Variants in NPEPPS observed in about 807,000 individuals in gnomAD.
NPEPPS encodes the protein aminopeptidase puromycin sensitive, also known as puromycin-sensitive aminopeptidase.
A neutral mutation model predicts 115.5 loss-of-function variants in NPEPPS; 14 were observed. That is an observed-to-expected ratio of 0.12 (90% confidence interval 0.08 to 0.19). The LOEUF is 0.19. Ranked by LOEUF, NPEPPS falls within the 10% of genes least tolerant of loss-of-function variation. NPEPPS has a pLI of 1.00. For missense variants in NPEPPS, 523 were observed against 1,110.8 expected, an observed-to-expected ratio of 0.47 and a Z score of 7.52; for synonymous variants, 285 against 390.6, an observed-to-expected ratio of 0.73 and a Z score of 3.19.
At position 47,587,255 on chromosome 17, in the gene NPEPPS, A is replaced by G. The variant is rs1253473781; in HGVS notation, c.1006A>G (p.Lys336Glu). Residue 336 changes from lysine to glutamate, a missense_variant, in exon 9 of 23, where the codon AAA becomes GAA. Transcript: ENST00000322157. ...GGAGACTGCATTGCTTATTGATCCA[A>G]AAAATTCCTGTTCTTCATCCCGCCA... ...YRETALLIDP[K>E]NSCSSSRQWV... 6.2e-7 allele frequency: 1 copy of G among 1,601,776 alleles called. No homozygotes were observed. Among genetic ancestry groups the G allele is most frequent in the Admixed American group, 1.7e-5 (1 of 57,282 alleles).
intron 1 of NPEPPS, among the ~76,000 whole-genome samples, chr17:47,538,199 G>GTTTTTTTTTTTTTTTTTT (rs1292705804): frequency 1.4e-5 from 1 of 72,346 alleles, no homozygotes; most frequent in African/African-American, 4.7e-5. Context: ...AGCCATATCT[G>GTTTTTTTTTTTTTTTTTT]TTCTTTTTTT....
intron 1 of NPEPPS, among the ~76,000 whole-genome samples, chr17:47,525,977 G>A (rs1907414696): frequency 1.3e-5 from 2 of 152,274 alleles, no homozygotes. Context: ...TTGGGAGGCC[G>A]AAGCAGGCAG....
intron 15 of NPEPPS, among the ~76,000 whole-genome samples, chr17:47,603,178 AG>A: frequency 6.6e-6 from 1 of 152,252 alleles, no homozygotes; most frequent in East Asian, 1.9e-4. Context: ...AGGGAGGCTG[AG>A]GCGCGGCGGA....
chr17:47,618,394 AAG>A lies in NPEPPS; in HGVS notation c.2343_2344del (p.Arg781SerfsTer9). The stretch of plus-strand genomic sequence containing the variant: ...TGCAAGAAGAGAAAAACCGAATCGA[AAG>A]AGTCCTTGGCGCTACTCTTTTGCCT... ...DMQEEKNRIE[R>X]VLGATLLPDL... On this transcript the variant is annotated frameshift_variant, in exon 20 of 23. Transcript: ENST00000322157. LOFTEE classifies it high-confidence loss of function. 6.2e-7 allele frequency: 1 copy of A among 1,613,920 alleles called. No homozygotes were observed. Among genetic ancestry groups the A allele is most frequent in the Non-Finnish European group, 8.5e-7 (1 of 1,179,852 alleles).
intron 15 of NPEPPS, among the ~76,000 whole-genome samples, chr17:47,602,587 G>A (rs561411918): frequency 1.4e-5 from 2 of 147,714 alleles, no homozygotes; most frequent in African/African-American, 5.0e-5. Context: ...GCAGTGAGCC[G>A]AGATCGTGCC....
In NPEPPS at chr17:47,618,435, A is replaced by T; in HGVS notation, c.2381A>T (p.Lys794Ile). 1 of 1,613,706 alleles carries T rather than the reference A, an allele frequency of 6.2e-7. No homozygotes were observed. The highest frequency in any genetic ancestry group is 8.5e-7 in the Non-Finnish European group (1 of 1,179,656). The change falls in exon 20 of 23, where the codon AAA becomes ATA. Residue 794 changes from lysine to isoleucine, a missense_variant. Coordinates refer to ENST00000322157, the MANE Select transcript of NPEPPS (RefSeq NM_006310.4). Reference sequence around the variant, plus strand: ...ACTCTTTTGCCTGACCTGATTCAAAAAGTCCTCACGTTTGCACTTTCAGTA... The same window carrying T: ...ACTCTTTTGCCTGACCTGATTCAAATAGTCCTCACGTTTGCACTTTCAGTA... ...GATLLPDLIQ[K>I]VLTFALSEEV...
chr17:47,619,191 C>T (rs758356751), intron 21 of NPEPPS, 27 bp downstream of exon 21: 19 of 1,585,302 alleles, frequency 1.2e-5, no homozygotes, highest in Non-Finnish European at 1.6e-5. Context: ...GAGTAGCTTG[C>T]TAATCATGGA....
chr17:47,584,225 G>GGA (rs1491501448), intron 5 of NPEPPS, among the ~76,000 whole-genome samples: 32 of 130,412 alleles, frequency 2.5e-4, no homozygotes, highest in Non-Finnish European at 3.0e-4. Context: ...CATCTCGGGG[G>GGA]AAAAAAAAAA....
chr17:47,559,788 G>A (rs1300207667), intron 2 of NPEPPS: 1 of 404,292 alleles, frequency 2.5e-6, no homozygotes, highest in East Asian at 7.1e-5. Flanking sequence ...TTCTAATAGA[G>A]ATAGAGTCTC....
intron 19 of NPEPPS, among the ~76,000 whole-genome samples, chr17:47,618,101 G>A (rs1054874059): frequency 2.0e-5 from 3 of 150,648 alleles, no homozygotes; most frequent in Non-Finnish European, 4.4e-5. Context: ...GGCTGATCTC[G>A]AACTCTTGAC....
chr17:47,599,575 C>T, intron 13 of NPEPPS, 101 bp from the exon 14 acceptor site: 1 of 854,654 alleles, frequency 1.2e-6, no homozygotes, highest in Non-Finnish European at 1.9e-6. Flanking sequence ...GTGCTCGTTC[C>T]AGCATTTGTC....
At chr17:47,559,438 TTTTG>T (rs944282405) in intron 2 of NPEPPS, among the ~76,000 whole-genome samples, 24 of 152,300 alleles carry the variant, frequency 1.6e-4, no homozygotes, top group African/African-American at 3.4e-4. Context: ...TTTGGAGTTT[TTTTG>T]TTTGTTTGTT....
upstream of NPEPPS, among the ~76,000 whole-genome samples, chr17:47,528,694 T>C (rs1451594123): frequency 6.6e-6 from 1 of 152,166 alleles, no homozygotes; most frequent in African/African-American, 2.4e-5. Context: ...TGCAGTGCTG[T>C]GATCTCAGCT....
intron 2 of NPEPPS, among the ~76,000 whole-genome samples, chr17:47,564,036 G>A (rs577674056): frequency 1.3e-5 from 2 of 151,712 alleles, no homozygotes; most frequent in Admixed American, 1.3e-4. Flanking sequence ...AGGTTCAAGC[G>A]ATTCTCCTGC....
intron 12 of NPEPPS, among the ~76,000 whole-genome samples, chr17:47,593,337 G>A (rs539879922): frequency 1.3e-5 from 2 of 151,830 alleles, no homozygotes; most frequent in Non-Finnish European, 2.9e-5. Flanking sequence ...CAGGATGTGC[G>A]GACTGATTGA....
At chr17:47,558,596 A>G (rs532473687) in intron 2 of NPEPPS, among the ~76,000 whole-genome samples, 5 of 140,784 alleles carry the variant, frequency 3.6e-5, no homozygotes, top group East Asian at 4.4e-4. Flanking sequence ...CGCCTGGCTA[A>G]TTTTTGTGTT....
At chr17:47,565,380 G>A (rs1910735497) in intron 2 of NPEPPS, among the ~76,000 whole-genome samples, 2 of 151,812 alleles carry the variant, frequency 1.3e-5, no homozygotes, top group South Asian at 2.1e-4. Context: ...GTGGTGGTGC[G>A]TGCCTGTAGT....
At chr17:47,618,875 C>T in intron 20 of NPEPPS, 134 bp from the exon 21 acceptor site, 1 of 788,928 alleles carries the variant, frequency 1.3e-6, no homozygotes, top group Non-Finnish European at 2.0e-6. Flanking sequence ...CTGAGAACTT[C>T]TGGTTCCAGT....
chr17:47,539,826 G>A (rs1396996726), intron 1 of NPEPPS, among the ~76,000 whole-genome samples: 3 of 151,864 alleles, frequency 2.0e-5, no homozygotes, highest in Non-Finnish European at 4.4e-5. Flanking sequence ...GCTTCTTCTT[G>A]TCTTTAGCTA....
Sources: allele counts gnomAD v4.1 joint callset (sites outside exome capture counted in the v4.1 genomes callset), GRCh38; gene constraint gnomAD v4.1.1; transcripts MANE v1.5; gene names NCBI Gene and HGNC (gene_info 2026-07-23, HGNC 2026-07-21).